The following PREX2 variants were observed in gnomAD, a reference collection of about 807,000 sequenced individuals.
The protein encoded by PREX2 is phosphatidylinositol 3,4,5-trisphosphate-dependent Rac exchanger 2 protein.
A neutral mutation model predicts 203.2 loss-of-function variants in PREX2; 107 were observed. The observed-to-expected ratio is 0.53, with a 90% CI of 0.45 to 0.62. The LOEUF is 0.62. Ranked by LOEUF, PREX2 falls within the 20% of genes least tolerant of loss-of-function variation. The pLI is 0.00. For missense variants in PREX2, 1,777 were observed against 1,955.9 expected, an observed-to-expected ratio of 0.91 and a Z score of 1.72; for synonymous variants, 672 against 663.6, an observed-to-expected ratio of 1.01 and a Z score of -0.19.
intron 1 of PREX2, among the ~76,000 whole-genome samples, chr8:67,976,443 A>G (rs1806089229): frequency 8.0e-6 from 1 of 124,906 alleles, no homozygotes. Context: ...GAGATGGGAG[A>G]GAGACAGAGA....
chr8:68,113,798 C>T (rs989794938), intron 25 of PREX2, among the ~76,000 whole-genome samples: 2 of 152,164 alleles, frequency 1.3e-5, no homozygotes, highest in Non-Finnish European at 2.9e-5. Context: ...TACTTGTCTT[C>T]TCTCAGTAGA....
intron 1 of PREX2, among the ~76,000 whole-genome samples, chr8:67,965,166 C>CAGG (rs1805732535): frequency 6.6e-6 from 1 of 152,172 alleles, no homozygotes; most frequent in Admixed American, 6.5e-5. Flanking sequence ...GGCAAGCACT[C>CAGG]AGGAGCCAAA....
intron 1 of PREX2, among the ~76,000 whole-genome samples, chr8:68,017,379 A>G (rs930252699): frequency 6.6e-6 from 1 of 152,080 alleles, no homozygotes; most frequent in Non-Finnish European, 1.5e-5. Context: ...CTATCTATCT[A>G]TCTATCTATC....
At chr8:68,137,525 C>T (rs1044315775) in intron 32 of PREX2, among the ~76,000 whole-genome samples, 1 of 152,128 alleles carries the variant, frequency 6.6e-6, no homozygotes, top group Non-Finnish European at 1.5e-5. Context: ...CCTGCCTCGG[C>T]CTCCCAAAGT....
At chr8:68,020,362 C>A (rs1205784424) in intron 3 of PREX2, among the ~76,000 whole-genome samples, 1 of 148,626 alleles carries the variant, frequency 6.7e-6, no homozygotes, top group Non-Finnish European at 1.5e-5. Context: ...AAGTATGCTG[C>A]TACGTATACC....
intron 1 of PREX2, among the ~76,000 whole-genome samples, chr8:67,987,988 G>A (rs1338394456): frequency 6.6e-6 from 1 of 152,122 alleles, no homozygotes; most frequent in African/African-American, 2.4e-5. Context: ...AGGTAGAAGA[G>A]CAGGTATGCA....
At chr8:68,182,550 G>A (rs907372184) in intron 35 of PREX2, among the ~76,000 whole-genome samples, 3 of 152,014 alleles carry the variant, frequency 2.0e-5, no homozygotes, top group African/African-American at 4.8e-5. Context: ...TGTACATAAT[G>A]ATTTAATCTG....
intron 34 of PREX2, among the ~76,000 whole-genome samples, chr8:68,155,923 T>A (rs1368900024): frequency 2.0e-5 from 3 of 152,212 alleles, no homozygotes; most frequent in Admixed American, 6.5e-5. Context: ...AAATTGACAA[T>A]TTGAGTAGAG....
chr8:68,002,609 T>A (rs1169750356), intron 1 of PREX2, among the ~76,000 whole-genome samples: 6 of 152,218 alleles, frequency 3.9e-5, no homozygotes, highest in Non-Finnish European at 8.8e-5. Flanking sequence ...GAAATTCAGA[T>A]GATATTCTTA....
intron 11 of PREX2, among the ~76,000 whole-genome samples, chr8:68,066,891 AG>A (rs1460308108): frequency 6.6e-6 from 1 of 151,884 alleles, no homozygotes; most frequent in Non-Finnish European, 1.5e-5. Context: ...AGTCTACTTG[AG>A]TTTATTTTTA....
intron 8 of PREX2, among the ~76,000 whole-genome samples, chr8:68,049,535 G>T (rs886986971): frequency 1.3e-5 from 2 of 152,000 alleles, no homozygotes; most frequent in African/African-American, 4.8e-5. Flanking sequence ...TAAGAGCAAG[G>T]AATTTGCAAA....
intron 1 of PREX2, among the ~76,000 whole-genome samples, chr8:67,985,983 A>G (rs1011045905): frequency 2.3e-4 from 35 of 152,212 alleles, no homozygotes; most frequent in African/African-American, 7.7e-4. Context: ...GAAGCCACAC[A>G]TAGTTGTAGA....
intron 33 of PREX2, among the ~76,000 whole-genome samples, chr8:68,140,683 T>C (rs537004172): frequency 1.4e-5 from 2 of 139,878 alleles, no homozygotes; most frequent in East Asian, 3.9e-4. Flanking sequence ...GCTTCATTCT[T>C]ATCTTTAAGC....
In PREX2 at chr8:68,231,389, C is replaced by T; in HGVS notation, c.*11C>T. 1.9e-6 allele frequency: 3 copies of T among 1,598,736 alleles called. No homozygotes were observed. Among genetic ancestry groups the T allele is most frequent in the Non-Finnish European group, 2.6e-6 (3 of 1,173,370 alleles). ...GCTGGAGAAGAATGAAAAGAACTCCCAAGAAACCAGGCAGGCAGAAGCTCC... is the reference window on the plus strand; with the variant it reads ...GCTGGAGAAGAATGAAAAGAACTCCTAAGAAACCAGGCAGGCAGAAGCTCC... On this transcript the variant is annotated 3_prime_UTR_variant, in exon 40 of 40. Transcript: ENST00000288368.
In PREX2 at chr8:68,157,302, ATGTTTACT is replaced by A; in HGVS notation, c.4232-12_4232-5del. ...TGAGTTATAAAGTTGCTTGTAAAAT[ATGTTTACT>A]TGTTTACACAGCACTAGAGAGCATG... On this transcript the variant is annotated splice_polypyrimidine_tract_variant and intron_variant, in intron 34 of 39. Transcript: ENST00000288368. The A allele has an allele frequency of 7.4e-7, 1 of 1,346,450 alleles. No individual in the cohort carries two copies. Among genetic ancestry groups the A allele is most frequent in the East Asian group, 2.3e-5 (1 of 43,054 alleles). 83.4% of individuals were successfully genotyped at this position (1,346,450 alleles called of 1,614,324 possible).
At chr8:68,044,941 T>G (rs1338676942) in intron 8 of PREX2, among the ~76,000 whole-genome samples, 1 of 152,122 alleles carries the variant, frequency 6.6e-6, no homozygotes, top group Non-Finnish European at 1.5e-5. Context: ...ATATCAGTGA[T>G]GTTTTGTTCC....
intron 37 of PREX2, among the ~76,000 whole-genome samples, chr8:68,194,087 T>A (rs1812347932): frequency 6.6e-6 from 1 of 152,198 alleles, no homozygotes; most frequent in African/African-American, 2.4e-5. Context: ...GCTTTGAAAG[T>A]TTTTTTGCTA....
intron 17 of PREX2, among the ~76,000 whole-genome samples, chr8:68,081,917 A>G (rs7006571): frequency 0.53 from 80,162 of 150,538 alleles, 21,354 homozygotes; most frequent in South Asian, 0.56. Flanking sequence ...GGCTGGTCTC[A>G]AACTCCTGAC....
chr8:67,979,599 G>A (rs1174405621), intron 1 of PREX2, among the ~76,000 whole-genome samples: 1 of 152,138 alleles, frequency 6.6e-6, no homozygotes, highest in Non-Finnish European at 1.5e-5. Flanking sequence ...TCAAATTAAT[G>A]TCAGATGGTT....
Sources: allele counts gnomAD v4.1 joint callset (sites outside exome capture counted in the v4.1 genomes callset), GRCh38; gene constraint gnomAD v4.1.1; transcripts MANE v1.5; gene names NCBI Gene and HGNC (gene_info 2026-07-23, HGNC 2026-07-21).